The following RBFOX1 variants were observed in gnomAD, a reference collection of about 807,000 sequenced individuals.
RBFOX1 encodes RNA binding protein fox-1 homolog 1.
A neutral mutation model predicts 57.7 loss-of-function variants in RBFOX1; 8 were observed. The observed-to-expected ratio is 0.14, with a 90% CI of 0.08 to 0.25. RBFOX1 has a LOEUF of 0.25. RBFOX1 is among the 10% of genes least tolerant of loss of function. The pLI is 1.00. For missense variants in RBFOX1, 611 were observed against 548.5 expected, an observed-to-expected ratio of 1.11 and a Z score of -1.14; for synonymous variants, 326 against 222.4, an observed-to-expected ratio of 1.47 and a Z score of -4.15.
intron 1 of RBFOX1, among the ~76,000 whole-genome samples, chr16:5,291,974 T>C (rs1289532960): frequency 1.3e-5 from 2 of 150,438 alleles, no homozygotes; most frequent in Admixed American, 1.3e-4. Context: ...TGTCTAGACT[T>C]TCAAAGGCCA....
At chr16:6,143,762 T>C (rs900700615) in intron 1 of RBFOX1, among the ~76,000 whole-genome samples, 10 of 152,056 alleles carry the variant, frequency 6.6e-5, no homozygotes, top group African/African-American at 2.4e-4. Context: ...AGACTACCTG[T>C]GCACCTGATA....
At chr16:6,294,932 T>A (rs535722150) in intron 1 of RBFOX1, among the ~76,000 whole-genome samples, 1 of 152,236 alleles carries the variant, frequency 6.6e-6, no homozygotes, top group East Asian at 1.9e-4. Flanking sequence ...GTTTGTTCCT[T>A]CCCTAACCCC....
At chr16:6,597,076 C>G (rs989181856) in intron 2 of RBFOX1, among the ~76,000 whole-genome samples, 1 of 152,112 alleles carries the variant, frequency 6.6e-6, no homozygotes, top group Admixed American at 6.5e-5. Context: ...GTCACCCTGA[C>G]TGCAGCTAGA....
chr16:7,220,808 T>G (rs2092672474), intron 4 of RBFOX1, among the ~76,000 whole-genome samples: 1 of 152,124 alleles, frequency 6.6e-6, no homozygotes, highest in African/African-American at 2.4e-5. Context: ...AATAGGCATC[T>G]TGGTATTTCC....
intron 1 of RBFOX1, among the ~76,000 whole-genome samples, chr16:6,269,364 G>C (rs1000092815): frequency 2.0e-5 from 3 of 152,164 alleles, no homozygotes; most frequent in Non-Finnish European, 4.4e-5. Flanking sequence ...ATAGAGGGCT[G>C]ACTGGATATA....
chr16:6,966,122 A>C (rs972896577), intron 3 of RBFOX1, among the ~76,000 whole-genome samples: 3 of 152,114 alleles, frequency 2.0e-5, no homozygotes, highest in Admixed American at 1.3e-4. Context: ...GGGGCCTAAA[A>C]AGCACATAAG....
chr16:6,564,385 A>C (rs1393984471), intron 2 of RBFOX1, among the ~76,000 whole-genome samples: 2 of 152,190 alleles, frequency 1.3e-5, no homozygotes, highest in Admixed American at 6.5e-5. Context: ...GTGTGAACCC[A>C]GGAGACAGAG....
At chr16:6,320,167 C>T (rs1468607078) in intron 2 of RBFOX1, among the ~76,000 whole-genome samples, 2 of 152,122 alleles carry the variant, frequency 1.3e-5, no homozygotes, top group Non-Finnish European at 2.9e-5. Flanking sequence ...GGTGTATTAG[C>T]TGTTAGTTAT....
At chr16:6,471,146 C>T (rs559765529) in intron 2 of RBFOX1, among the ~76,000 whole-genome samples, 78 of 152,260 alleles carry the variant, frequency 5.1e-4, no homozygotes, top group Non-Finnish European at 8.7e-4. Flanking sequence ...CAACCCTTTC[C>T]ATCAGTTCAC....
intron 10 of RBFOX1, among the ~76,000 whole-genome samples, chr16:7,630,072 G>A (rs1048018679): frequency 2.6e-5 from 4 of 152,000 alleles, no homozygotes; most frequent in Admixed American, 1.3e-4. Context: ...CTATCAACAT[G>A]TATGCTTACT....
chr16:6,038,541 TATATATATATCATCC>T lies in RBFOX1; in HGVS notation c.-127+18560_-127+18574del, dbSNP rs1211044086. On this transcript the variant is annotated intron_variant, in intron 1 of 15. Transcript: ENST00000550418. ...ATATATATCCGTGGAGATATATATATATATATATATCATCCATATATATATATCATCCATATATAT... is the reference window on the plus strand; with the variant it reads ...ATATATATCCGTGGAGATATATATATATATATATATATCATCCATATATAT... 6.6e-4 allele frequency: 96 copies of T among 146,398 alleles called. 1 individual carries two copies. The highest frequency in any genetic ancestry group is 3.6e-3 in the Middle Eastern group (1 of 280). 9.1% of individuals were successfully genotyped at this position (146,398 alleles called of 1,614,324 possible).
chr16:5,978,033 A>G (rs2152306925), intron 4 of RBFOX1, among the ~76,000 whole-genome samples: 1 of 143,416 alleles, frequency 7.0e-6, no homozygotes, highest in South Asian at 2.2e-4. Flanking sequence ...CCGCGCCCCC[A>G]GTTTTGTAAA....
chr16:7,709,363 C>G lies in RBFOX1; in HGVS notation c.1071+232C>G, dbSNP rs567838285. 10 of 1,096,966 alleles carry G rather than the reference C, an allele frequency of 9.1e-6. No individual in the cohort carries two copies. The Admixed American group carries it at 3.4e-4, about 37-fold the overall frequency. The allele number at this position is 1,096,966 out of a possible 1,614,324, so 68.0% of individuals were successfully genotyped here. A position where few individuals can be genotyped will look rare whatever the true frequency, so the allele number is the denominator to read the frequency against. ...ATATTTCTAATTTTGCAAGTCTCAC[C>G]TAGCAGAGCACTTACCTTAATGGAA... is the stretch of plus-strand genomic sequence containing the variant. On this transcript the variant is annotated intron_variant, in intron 15 of 15. Transcript: ENST00000550418.
At chr16:7,625,061 G>A (rs1568156666) in intron 10 of RBFOX1, among the ~76,000 whole-genome samples, 2 of 152,068 alleles carry the variant, frequency 1.3e-5, no homozygotes, top group Admixed American at 6.6e-5. Flanking sequence ...TTGAGGAGGC[G>A]GTGTCTGATT....
chr16:7,610,118 C>CTTTTTTTTT (rs34468596), intron 10 of RBFOX1, among the ~76,000 whole-genome samples: 7 of 65,612 alleles, frequency 1.1e-4, no homozygotes, highest in African/African-American at 4.8e-4. Context: ...GCCCGGCCCC[C>CTTTTTTTTT]TTTTTTTTTT....
At chr16:6,608,085 C>G (rs1165713453) in intron 2 of RBFOX1, among the ~76,000 whole-genome samples, 1 of 152,154 alleles carries the variant, frequency 6.6e-6, no homozygotes, top group Non-Finnish European at 1.5e-5. Flanking sequence ...ATTAATGAGA[C>G]AATGTCTCAT....
intron 3 of RBFOX1, among the ~76,000 whole-genome samples, chr16:6,670,629 A>G (rs1427576758): frequency 1.3e-5 from 2 of 152,174 alleles, no homozygotes; most frequent in Admixed American, 6.5e-5. Flanking sequence ...ACCAATCTCT[A>G]TCTACTAAAA....
chr16:6,316,632 T>C (rs1013141919), intron 1 of RBFOX1, among the ~76,000 whole-genome samples: 4 of 152,164 alleles, frequency 2.6e-5, no homozygotes, highest in Admixed American at 6.6e-5. Flanking sequence ...GAACTCATGG[T>C]GTAAGAGAAG....
chr16:6,880,596 GTC>G (rs1185104281), intron 3 of RBFOX1, among the ~76,000 whole-genome samples: 1 of 152,110 alleles, frequency 6.6e-6, no homozygotes, highest in Admixed American at 6.5e-5. Context: ...TTTCTGGACT[GTC>G]TGAAATGTGA....
Sources: gnomAD v4.1 joint callset for allele counts (sites outside exome capture counted in the v4.1 genomes callset) on GRCh38, gnomAD v4.1.1 for gene constraint, MANE v1.5 for transcripts, NCBI Gene and HGNC (gene_info 2026-07-23, HGNC 2026-07-21) for gene names.